PCDH7: variants seen among roughly 807,000 people sequenced by gnomAD.
PCDH7 encodes the protein protocadherin 7.
A neutral mutation model predicts 58.9 loss-of-function variants in PCDH7; 17 were observed. The observed-to-expected ratio is 0.29, with a 90% CI of 0.20 to 0.43. The LOEUF (loss-of-function observed/expected upper bound fraction) is 0.43, where lower values mean the gene tolerates loss of function less well. Among genes scored for constraint, PCDH7 ranks in the 20% least tolerant of loss-of-function variants. PCDH7 has a pLI of 1.00. For missense variants in PCDH7, 1,274 were observed against 1,441.0 expected, an observed-to-expected ratio of 0.88 and a Z score of 1.88; for synonymous variants, 664 against 616.4, an observed-to-expected ratio of 1.08 and a Z score of -1.14.
intron 3 of PCDH7, among the ~76,000 whole-genome samples, chr4:31,139,024 T>C (rs1719946710): frequency 6.6e-6 from 1 of 151,666 alleles, no homozygotes; most frequent in Non-Finnish European, 1.5e-5. Context: ...AAGAGAGATA[T>C]TAACCTTATG....
chr4:30,964,775 G>A (rs1203679458), intron 3 of PCDH7, among the ~76,000 whole-genome samples: 1 of 152,114 alleles, frequency 6.6e-6, no homozygotes, highest in Admixed American at 6.5e-5. Flanking sequence ...GGCAATTCAT[G>A]TACAAACTAA....
intron 3 of PCDH7, among the ~76,000 whole-genome samples, chr4:31,090,024 G>T (rs527714867): frequency 6.6e-6 from 1 of 151,928 alleles, no homozygotes; most frequent in South Asian, 2.1e-4. Context: ...CTCAGATGTC[G>T]TGTACATAGG....
chr4:30,882,123 G>A (rs936205184), intron 1 of PCDH7, among the ~76,000 whole-genome samples: 13 of 77,126 alleles, frequency 1.7e-4, no homozygotes, highest in South Asian at 4.8e-4. Flanking sequence ...TCCTCCTCCC[G>A]TTTCTCTCCC....
intron 2 of PCDH7, among the ~76,000 whole-genome samples, chr4:30,934,352 A>T (rs1178466868): frequency 6.6e-6 from 1 of 152,176 alleles, no homozygotes; most frequent in African/African-American, 2.4e-5. Flanking sequence ...TTTATTTTAG[A>T]ACACAAAGTA....
intron 3 of PCDH7, among the ~76,000 whole-genome samples, chr4:31,070,170 A>G (rs1379260961): frequency 1.3e-5 from 2 of 152,062 alleles, no homozygotes; most frequent in African/African-American, 2.4e-5. Context: ...TGAAATATGC[A>G]TGTGTGTACG....
intron 1 of PCDH7, among the ~76,000 whole-genome samples, chr4:30,792,106 C>A (rs959608232): frequency 2.0e-5 from 3 of 152,092 alleles, no homozygotes; most frequent in African/African-American, 4.8e-5. Context: ...AACAAAAATT[C>A]TTGCTTAATT....
At chr4:30,923,966 T>C (rs1743517183) in intron 2 of PCDH7, among the ~76,000 whole-genome samples, 1 of 152,212 alleles carries the variant, frequency 6.6e-6, no homozygotes, top group Non-Finnish European at 1.5e-5. Flanking sequence ...AATGGATTGG[T>C]AATTCAAGTT....
chr4:30,807,888 A>G (rs1272765745), intron 1 of PCDH7, among the ~76,000 whole-genome samples: 3 of 152,214 alleles, frequency 2.0e-5, no homozygotes, highest in Admixed American at 1.3e-4. Flanking sequence ...GCTTAAATTT[A>G]TGGAGACTCT....
chr4:31,125,196 G>A (rs897232740), intron 3 of PCDH7, among the ~76,000 whole-genome samples: 2 of 152,016 alleles, frequency 1.3e-5, no homozygotes, highest in East Asian at 3.9e-4. Flanking sequence ...ACCAACTGAG[G>A]GACAGCTGTG....
chr4:30,889,316 TCTC>T (rs1275462692), intron 1 of PCDH7, among the ~76,000 whole-genome samples: 2 of 151,420 alleles, frequency 1.3e-5, no homozygotes, highest in Non-Finnish European at 2.9e-5. Context: ...GGCAATATAT[TCTC>T]CTACTGGTTT....
chr4:31,074,784 C>CAAAAAAAAAAA lies in PCDH7; in HGVS notation c.*8-67676_*8-67666dup, dbSNP rs1157267696. 1.7e-3 allele frequency among the ~76,000 whole-genome samples: 91 copies of CAAAAAAAAAAA among 52,460 alleles called. 6 individuals are homozygous for CAAAAAAAAAAA. Among genetic ancestry groups the CAAAAAAAAAAA allele is most frequent in the African/African-American group, 5.5e-3 (62 of 11,338 alleles). 34.4% of individuals were successfully genotyped at this position (52,460 alleles called of 152,430 possible). A position where few individuals can be genotyped will look rare whatever the true frequency, so the allele number is the denominator to read the frequency against. On this transcript the variant is annotated intron_variant, in intron 3 of 3. Transcript: ENST00000509759. Reference sequence around the variant, plus strand: ...TGGGCTACAGAGGGAGATTCCGTCTCAAAAAAAAAAAAAAAAAAAAAAAGC... The same window carrying CAAAAAAAAAAA: ...TGGGCTACAGAGGGAGATTCCGTCTCAAAAAAAAAAAAAAAAAAAAAAAAAAAAAAAAAAGC...
chr4:30,968,196 A>AT (rs967729778), intron 3 of PCDH7, among the ~76,000 whole-genome samples: 1 of 149,760 alleles, frequency 6.7e-6, no homozygotes, highest in African/African-American at 2.4e-5. Context: ...GCTTCCAGTA[A>AT]TAAAAACAAA....
chr4:31,130,046 T>C (rs144312608), intron 3 of PCDH7, among the ~76,000 whole-genome samples: 1 of 152,198 alleles, frequency 6.6e-6, no homozygotes. Flanking sequence ...ATCACAAAAA[T>C]GCCATAAATC....
At chr4:31,043,340 G>C (rs558820657) in intron 3 of PCDH7, among the ~76,000 whole-genome samples, 39 of 152,178 alleles carry the variant, frequency 2.6e-4, no homozygotes, top group African/African-American at 9.4e-4. Context: ...TCTGCCTCTA[G>C]GTCTCTGAGG....
chr4:30,728,462 T>C (rs1714967569), intron 1 of PCDH7, among the ~76,000 whole-genome samples: 1 of 151,718 alleles, frequency 6.6e-6, no homozygotes, highest in African/African-American at 2.4e-5. Context: ...GCACAATGAA[T>C]CTGCATATGT....
chr4:30,813,434 A>G (rs1489253300), intron 1 of PCDH7, among the ~76,000 whole-genome samples: 1 of 152,170 alleles, frequency 6.6e-6, no homozygotes, highest in Non-Finnish European at 1.5e-5. Context: ...TTGGCAAAAC[A>G]TTATGCTAAA....
At chr4:30,898,381 C>T (rs183498458) in intron 1 of PCDH7, among the ~76,000 whole-genome samples, 26 of 152,236 alleles carry the variant, frequency 1.7e-4, no homozygotes, top group Admixed American at 5.9e-4. Context: ...AAGGCTGGCT[C>T]CACTTCTGGT....
intron 1 of PCDH7, among the ~76,000 whole-genome samples, chr4:30,870,596 C>A (rs1437636366): frequency 6.6e-6 from 1 of 152,066 alleles, no homozygotes; most frequent in Non-Finnish European, 1.5e-5. Context: ...GGAGCTGCAG[C>A]TTTAAAGACT....
At chr4:31,061,483 T>C (rs779870428) in intron 3 of PCDH7, among the ~76,000 whole-genome samples, 5 of 151,588 alleles carry the variant, frequency 3.3e-5, no homozygotes, top group Non-Finnish European at 5.9e-5. Context: ...CTAAGACTAT[T>C]ACTATCAGAA....
Sources: gnomAD v4.1 joint callset for allele counts (sites outside exome capture counted in the v4.1 genomes callset) on GRCh38, gnomAD v4.1.1 for gene constraint, MANE v1.5 for transcripts, NCBI Gene and HGNC (gene_info 2026-07-23, HGNC 2026-07-21) for gene names.